Variants in RHOQ observed in about 807,000 individuals in gnomAD.
The protein encoded by RHOQ is ras homolog family member Q, also known as rho-related GTP-binding protein RhoQ.
RHOQ carries 7 observed loss-of-function variants against 25.8 expected under a neutral mutation model. That is an observed-to-expected ratio of 0.27 (90% confidence interval 0.15 to 0.51). RHOQ has a LOEUF of 0.51. Among genes scored for constraint, RHOQ ranks in the 20% least tolerant of loss-of-function variants. The pLI is 0.97. For synonymous variants in RHOQ, 97 were observed against 98.6 expected (o/e 0.98, Z 0.10); for missense variants, 165 against 260.6 (o/e 0.63, Z 2.53).
chr2:46,562,262 G>A (rs973699003), intron 2 of RHOQ, among the ~76,000 whole-genome samples: 1 of 152,016 alleles, frequency 6.6e-6, no homozygotes, highest in Non-Finnish European at 1.5e-5. Context: ...GAGAGCCTGG[G>A]CTCAGCTGCT....
intron 2 of RHOQ, among the ~76,000 whole-genome samples, chr2:46,546,512 GTATATACATATATATATATA>G (rs1668072067): frequency 5.3e-5 from 1 of 18,758 alleles, no homozygotes; most frequent in Non-Finnish European, 1.1e-4. Flanking sequence ...ATATATATAT[GTATATACATATATATATATA>G]CACAAATCCT....
intron 2 of RHOQ, among the ~76,000 whole-genome samples, chr2:46,564,259 C>T (rs535140182): frequency 5.9e-5 from 9 of 152,276 alleles, no homozygotes; most frequent in East Asian, 3.9e-4. Flanking sequence ...GAGCCACGAT[C>T]GCACCACTGC....
Position 46,582,907 on chromosome 2 carries a change from T to C in RHOQ, c.*1824T>C, listed in dbSNP as rs936306267. 1 of 152,436 alleles carries C rather than the reference T, an allele frequency of 6.6e-6. No homozygotes were observed. The highest frequency in any genetic ancestry group is 2.4e-5 in the African/African-American group (1 of 41,454). The allele number at this position is 152,436 out of a possible 1,614,324, so 9.4% of individuals were successfully genotyped here. A position where few individuals can be genotyped will look rare whatever the true frequency, so the allele number is the denominator to read the frequency against. ...TCTCTGAATCGGACATTTGGATGTCTTCTTTCTTCCAAGAAATGGTGGTTC... is the reference window on the plus strand; with the variant it reads ...TCTCTGAATCGGACATTTGGATGTCCTCTTTCTTCCAAGAAATGGTGGTTC... On this transcript the variant is annotated 3_prime_UTR_variant, in exon 5 of 5. Transcript: ENST00000238738.
rs767874550 is a variant in RHOQ at position 46,552,876 on chromosome 2, C to A, written c.201+9064C>A. The stretch of plus-strand genomic sequence containing the variant: ...GGGGCACAGAGGAGGAAGGCTTATC[C>A]TTCCAAGGAGGTGAAATGCTAGTAA... On this transcript the variant is annotated intron_variant, in intron 2 of 4. Transcript: ENST00000238738. This position sits in a 1 kb window ranked among gnomAD's most constrained non-coding sequence, Gnocchi z 5.0. 1.3e-5 allele frequency among the ~76,000 whole-genome samples: 2 copies of A among 152,228 alleles called. No individual in the cohort carries two copies. Among genetic ancestry groups the A allele is most frequent in the Non-Finnish European group, 2.9e-5 (2 of 68,040 alleles).
chr2:46,552,274 GC>G lies in RHOQ; in HGVS notation c.201+8465del, dbSNP rs1668267455. Reference sequence around the variant, plus strand: ...ACCATGCTTCCTCAAAAAGGAGCAGGCCCGAGGTGGCGCTGATGGCCCCATT... The same window carrying G: ...ACCATGCTTCCTCAAAAAGGAGCAGGCCGAGGTGGCGCTGATGGCCCCATT... On this transcript the variant is annotated intron_variant, in intron 2 of 4. Transcript: ENST00000238738. This position sits in a 1 kb window ranked among gnomAD's most constrained non-coding sequence, Gnocchi z 5.0. 6.6e-6 allele frequency among the ~76,000 whole-genome samples: 1 copy of G among 152,170 alleles called. No individual in the cohort carries two copies. The highest frequency in any genetic ancestry group is 1.5e-5 in the Non-Finnish European group (1 of 68,024).
At position 46,543,017 on chromosome 2, in the gene RHOQ, G is replaced by T. The variant is rs780289555; in HGVS notation, c.-30G>T. 4 of 1,534,560 alleles carry T rather than the reference G, an allele frequency of 2.6e-6. No homozygotes were observed. The highest frequency in any genetic ancestry group is 3.5e-6 in the Non-Finnish European group (4 of 1,141,686). On this transcript the variant is annotated 5_prime_UTR_variant, in exon 1 of 5. Transcript: ENST00000238738. ...GGGGCCGGGGCGGGGGCTCCGGGGG[G>T]ACCATGCCCGGAGGCCGGCCGGCAG...
intron 2 of RHOQ, among the ~76,000 whole-genome samples, chr2:46,546,772 G>C (rs961930305): frequency 6.6e-6 from 1 of 151,922 alleles, no homozygotes; most frequent in Non-Finnish European, 1.5e-5. Flanking sequence ...GTGACAAATA[G>C]TACAGGAAAT....
At chr2:46,546,508 ATATG>A (rs796784562) in intron 2 of RHOQ, among the ~76,000 whole-genome samples, 10 of 22,828 alleles carry the variant, frequency 4.4e-4, no homozygotes, top group East Asian at 1.6e-3. Context: ...ATATATATAT[ATATG>A]TATATACATA....
intron 2 of RHOQ, among the ~76,000 whole-genome samples, chr2:46,553,209 T>C (rs1421288974): frequency 6.6e-6 from 1 of 152,222 alleles, no homozygotes; most frequent in Non-Finnish European, 1.5e-5. Flanking sequence ...CTGTACCTGC[T>C]CTTTGCAACC....
intron 2 of RHOQ, among the ~76,000 whole-genome samples, chr2:46,574,292 A>T (rs1669033208): frequency 6.6e-6 from 1 of 151,846 alleles, no homozygotes; most frequent in Non-Finnish European, 1.5e-5. Context: ...GTTTGCTCAG[A>T]AGTGTGGAGT....
At chr2:46,575,959 TAGAGTGCCATA>T (rs758492990) in intron 2 of RHOQ, 117 bp from the exon 3 acceptor site, 25 of 610,972 alleles carry the variant, frequency 4.1e-5, no homozygotes, top group Non-Finnish European at 5.9e-5. Context: ...TGATTTTACT[TAGAGTGCCATA>T]CATTCCACTA....
At chr2:46,567,220 A>C (rs1668762074) in intron 2 of RHOQ, among the ~76,000 whole-genome samples, 1 of 152,190 alleles carries the variant, frequency 6.6e-6, no homozygotes, top group African/African-American at 2.4e-5. Flanking sequence ...AATCATAATG[A>C]AGTAATCAGG....
rs1220972200 is a variant in RHOQ, at chr2:46,583,882, T to G, written c.*2799T>G. On this transcript the variant is annotated 3_prime_UTR_variant, in exon 5 of 5. Coordinates refer to ENST00000238738, the MANE Select transcript of RHOQ (RefSeq NM_012249.4). ...CTTACAAGATATTTGAGTTAATCAG[T>G]GTTTGCATATAGAGAATTAGTTCTA... Among the ~76,000 whole-genome samples the G allele has an allele frequency of 6.6e-6, 1 of 152,176 alleles. No homozygotes were observed. Among genetic ancestry groups the G allele is most frequent in the Non-Finnish European group, 1.5e-5 (1 of 68,012 alleles).
Position 46,556,372 on chromosome 2 carries a change from T to C in RHOQ, c.201+12560T>C, listed in dbSNP as rs1668410735. 6.6e-6 allele frequency among the ~76,000 whole-genome samples: 1 copy of C among 152,198 alleles called. No individual in the cohort carries two copies. The highest frequency in any genetic ancestry group is 2.4e-5 in the African/African-American group (1 of 41,452). ...ATTTTCAGGGTTTCAAGGTACAAAG[T>C]GAAGTTCTGCTAGTTGTGCACTTGT... On this transcript the variant is annotated intron_variant, in intron 2 of 4. Transcript: ENST00000238738. The surrounding 1 kb of genome is among the most constrained non-coding windows in gnomAD (Gnocchi z 4.9).
chr2:46,543,894 T>G, intron 2 of RHOQ, 82 bp downstream of exon 2: 2 of 1,213,660 alleles, frequency 1.6e-6, no homozygotes, highest in Non-Finnish European at 2.4e-6. Context: ...GAAACCGAGG[T>G]GTCTAGGTGG....
rs567928820 is a variant in RHOQ at position 46,556,410 on chromosome 2, G to A, written c.201+12598G>A. Among the ~76,000 whole-genome samples the A allele has an allele frequency of 7.9e-5, 12 of 151,886 alleles. No individual in the cohort carries two copies. Among genetic ancestry groups the A allele is most frequent in the African/African-American group, 2.4e-4 (10 of 41,338 alleles). ...GTTGTGCACTTGTGGTGCTGCCTTC[G>A]CCCCTGGCTCAGGTAGAGGCGAGGG... On this transcript the variant is annotated intron_variant, in intron 2 of 4. Coordinates refer to ENST00000238738, the MANE Select transcript of RHOQ (RefSeq NM_012249.4). This position sits in a 1 kb window ranked among gnomAD's most constrained non-coding sequence, Gnocchi z 4.9.
Position 46,576,032 on chromosome 2 carries a change from T to G in RHOQ, c.202-55T>G, listed in dbSNP as rs1483628635. ...TGACCATGTAATCTAATGTACATAT[T>G]ACTAGTAAACAATAGAAATGTAAAT... On this transcript the variant is annotated intron_variant, in intron 2 of 4. Transcript: ENST00000238738. The surrounding 1 kb of genome is among the most constrained non-coding windows in gnomAD (Gnocchi z 5.1). 2 of 1,465,400 alleles carry G rather than the reference T, an allele frequency of 1.4e-6. No homozygotes were observed. The highest frequency in any genetic ancestry group is 9.2e-7 in the Non-Finnish European group (1 of 1,084,058). 90.8% of individuals were successfully genotyped at this position (1,465,400 alleles called of 1,614,324 possible). A position where few individuals can be genotyped will look rare whatever the true frequency, so the allele number is the denominator to read the frequency against.
Position 46,542,718 on chromosome 2 carries a change from C to G in RHOQ, c.-329C>G, listed in dbSNP as rs1430081433. ...GCCCTCCCCAAAGTTGCCGTCTCCCCCGGGGCCGGCCGGTCTTATGATCCG... is the reference window on the plus strand; with the variant it reads ...GCCCTCCCCAAAGTTGCCGTCTCCCGCGGGGCCGGCCGGTCTTATGATCCG... On this transcript the variant is annotated 5_prime_UTR_variant, in exon 1 of 5. Coordinates refer to ENST00000238738, the MANE Select transcript of RHOQ (RefSeq NM_012249.4). 4 of 146,912 alleles carry G rather than the reference C, an allele frequency of 2.7e-5. No individual in the cohort carries two copies. Among genetic ancestry groups the G allele is most frequent in the Admixed American group, 6.8e-5 (1 of 14,772 alleles). The allele number at this position is 146,912 out of a possible 1,614,324, so 9.1% of individuals were successfully genotyped here.
chr2:46,554,122 T>TG (rs1491252577), intron 2 of RHOQ, among the ~76,000 whole-genome samples: 2,552 of 46,594 alleles, frequency 0.055, 34 homozygotes, highest in Non-Finnish European at 0.068. Flanking sequence ...TGTGTGTGTG[T>TG]TTTTTTTTTT....
Sources: gnomAD v4.1 joint callset for allele counts (sites outside exome capture counted in the v4.1 genomes callset) on GRCh38, gnomAD v4.1.1 for gene constraint, Gnocchi (gnomAD v3.1) non-coding constraint, MANE v1.5 for transcripts, NCBI Gene and HGNC (gene_info 2026-07-23, HGNC 2026-07-21) for gene names.